The following CENPU variants were observed in gnomAD, a reference collection of about 807,000 sequenced individuals.
CENPU encodes centromere protein U.
Under a neutral mutation model 56.7 loss-of-function variants are expected in CENPU, and 46 were observed. The observed-to-expected ratio is 0.81, with a 90% confidence interval of 0.64 to 1.04. CENPU has a LOEUF of 1.04. Ranked by LOEUF, CENPU falls within the 50% of genes least tolerant of loss-of-function variation. The pLI, the probability that CENPU is intolerant of heterozygous loss-of-function variation, is 0.00. For missense variants in CENPU, 510 were observed against 490.1 expected, an observed-to-expected ratio of 1.04 and a Z score of -0.38; for synonymous variants, 166 against 163.0, an observed-to-expected ratio of 1.02 and a Z score of -0.14.
At chr4:184,704,102 A>AT (rs1554010505) in intron 8 of CENPU, among the ~76,000 whole-genome samples, 1 of 150,606 alleles carries the variant, frequency 6.6e-6, no homozygotes, top group South Asian at 2.1e-4. Flanking sequence ...TTTTTTTGAG[A>AT]TAAGGTCTCA....
rs1400557676 is a variant in CENPU, at chr4:184,727,104, A to G, written c.214+1814T>C. ...GCACTTCAGCCTAGGTGACAGAGGA[A>G]GACTTCGTCTCCAAAAAAAAAAAAA... On this transcript the variant is annotated intron_variant, in intron 3 of 12. Transcript: ENST00000281453. Among the ~76,000 whole-genome samples, 11 of 138,542 alleles carry G rather than the reference A, an allele frequency of 7.9e-5. No homozygotes were observed. The East Asian group carries it at 1.7e-3, about 22-fold the overall frequency. The allele number at this position is 138,542 out of a possible 152,430, so 90.9% of individuals were successfully genotyped here. A position where few individuals can be genotyped will look rare whatever the true frequency, so the allele number is the denominator to read the frequency against.
In CENPU at chr4:184,717,135, C is replaced by A; in HGVS notation, c.381+1G>T. The A allele has an allele frequency of 6.2e-7, 1 of 1,605,792 alleles. No homozygotes were observed. The highest frequency in any genetic ancestry group is 8.5e-7 in the Non-Finnish European group (1 of 1,174,372). Reference sequence around the variant, plus strand: ...GTAGAAGAGTGAATACTCCTACATACCTTTTTTGCACTAATTTTTACAGAT... The same window carrying A: ...GTAGAAGAGTGAATACTCCTACATAACTTTTTTGCACTAATTTTTACAGAT... On this transcript the variant is annotated splice_donor_variant, in intron 5 of 12. Coordinates refer to ENST00000281453, the MANE Select transcript of CENPU (RefSeq NM_024629.4). LOFTEE classifies it high-confidence loss of function.
Position 184,728,064 on chromosome 4 carries a change from G to A in CENPU, c.214+854C>T, listed in dbSNP as rs1027222572. Among the ~76,000 whole-genome samples the A allele has an allele frequency of 5.3e-5, 8 of 152,116 alleles. No homozygotes were observed. The East Asian group carries it at 5.8e-4, about 11-fold the overall frequency. ...TTTTCTGGAATTAGATAATGCAGAC[G>A]GTTGTACAACCTTGTGAATAAATTA... On this transcript the variant is annotated intron_variant, in intron 3 of 12. Transcript: ENST00000281453.
intron 11 of CENPU, among the ~76,000 whole-genome samples, chr4:184,699,773 G>A (rs1579756084): frequency 1.3e-5 from 2 of 152,038 alleles, no homozygotes; most frequent in Admixed American, 6.5e-5. Flanking sequence ...CGATTCTCGT[G>A]CCTCAACCTC....
intron 8 of CENPU, among the ~76,000 whole-genome samples, chr4:184,704,587 G>A (rs1215558884): frequency 2.0e-5 from 3 of 150,846 alleles, no homozygotes; most frequent in Non-Finnish European, 4.4e-5. Flanking sequence ...GTGTATACAT[G>A]ACTGAATATG....
At chr4:184,708,614 C>T (rs59754849) in intron 8 of CENPU, among the ~76,000 whole-genome samples, 1,947 of 152,066 alleles carry the variant, frequency 0.013, 46 homozygotes, top group African/African-American at 0.044. Flanking sequence ...ATCAAATTTT[C>T]CAAAAGCAAC....
Position 184,730,943 on chromosome 4 carries a change from C to G in CENPU, c.73G>C (p.Glu25Gln). ...EGARRSKNTL[E>Q]RTHSMKDKAG... ...ACATCTTTCATGGAATGTGTTCTTT[C>G]TAAAGTGTTCTTTGAACGTCTTGCG... Residue 25 changes from glutamate (E) to glutamine (Q), a missense_variant, in exon 2 of 13, where the codon GAA becomes CAA. Transcript: ENST00000281453. The G allele has an allele frequency of 2.5e-6, 4 of 1,581,182 alleles. No individual in the cohort carries two copies. The South Asian group carries it at 4.8e-5, about 19-fold the overall frequency.
intron 7 of CENPU, 105 bp from the exon 8 acceptor site, chr4:184,710,285 T>G: frequency 1.6e-6 from 1 of 636,674 alleles, no homozygotes; most frequent in Non-Finnish European, 2.7e-6. Flanking sequence ...TTGTAAAAGA[T>G]AGCTACAGCT....
At position 184,694,725 on chromosome 4, in the gene CENPU, CAGTGA is replaced by C. The variant is rs1561119691; in HGVS notation, c.*558_*562del. The C allele has an allele frequency of 3.1e-6, 5 of 1,612,474 alleles. No individual in the cohort carries two copies. Among genetic ancestry groups the C allele is most frequent in the Non-Finnish European group, 4.2e-6 (5 of 1,178,426 alleles). On this transcript the variant is annotated 3_prime_UTR_variant, in exon 13 of 13. Transcript: ENST00000281453. ...CAGAGAACAGTCTTCTCAGTTATAACAGTGAAGTGGATGAAATTCCTGATGAACTA... is the reference window on the plus strand; with the variant it reads ...CAGAGAACAGTCTTCTCAGTTATAACAGTGGATGAAATTCCTGATGAACTA...
chr4:184,729,099 C>T (rs1326229085), intron 2 of CENPU, 64 bp from the exon 3 acceptor site: 3 of 1,222,510 alleles, frequency 2.5e-6, no homozygotes, highest in Non-Finnish European at 3.6e-6. Flanking sequence ...TTGATTTATA[C>T]AGCAAGAATA....
Position 184,713,004 on chromosome 4 carries a change from T to C in CENPU, c.628A>G (p.Lys210Glu), listed in dbSNP as rs1282564463. Residue 210 changes from lysine to glutamate, a missense_variant, in exon 7 of 13, where the codon AAA becomes GAA. Lys to Glu is a moderately conservative substitution (Grantham distance 56, BLOSUM62 1). Transcript: ENST00000281453. ...LAIESQSKTQKKGKISHDKRK... is the reference protein window; with the variant it reads ...LAIESQSKTQEKGKISHDKRK... ...TTGTCATGAGATATCTTCCCTTTTT[T>C]CTGAGTTTTCTACAAAAAAAAAAAG... is the stretch of plus-strand genomic sequence containing the variant. 6.4e-7 allele frequency: 1 copy of C among 1,572,126 alleles called. No individual in the cohort carries two copies. The highest frequency in any genetic ancestry group is 8.6e-7 in the Non-Finnish European group (1 of 1,157,292).
At chr4:184,699,491 G>T in intron 11 of CENPU, 1 of 1,118,450 alleles carries the variant, frequency 8.9e-7, no homozygotes, top group Non-Finnish European at 1.2e-6. Context: ...AAAGTGCCCT[G>T]CCACACAGGA....
intron 3 of CENPU, among the ~76,000 whole-genome samples, chr4:184,726,773 T>C (rs1229960843): frequency 1.3e-5 from 2 of 151,998 alleles, no homozygotes; most frequent in Admixed American, 6.5e-5. Context: ...ATGTGGTACA[T>C]ACAGACTGTT....
chr4:184,710,292 A>G (rs1474471309), intron 7 of CENPU, 112 bp from the exon 8 acceptor site: 2 of 614,584 alleles, frequency 3.3e-6, no homozygotes, highest in East Asian at 5.9e-5. Context: ...AGATAGCTAC[A>G]GCTGAACAAT....
At chr4:184,729,464 A>G (rs1391866453) in intron 2 of CENPU, among the ~76,000 whole-genome samples, 1 of 152,272 alleles carries the variant, frequency 6.6e-6, no homozygotes, top group African/African-American at 2.4e-5. Flanking sequence ...AAGAATGAGC[A>G]TGGCTGTGTT....
intron 7 of CENPU, 91 bp downstream of exon 7, chr4:184,712,853 C>T (rs112482688): frequency 5.7e-6 from 5 of 879,976 alleles, no homozygotes; most frequent in African/African-American, 1.7e-5. Context: ...TATGTACTTA[C>T]AATTTACTAC....
At chr4:184,711,137 C>G (rs1043540700) in intron 7 of CENPU, among the ~76,000 whole-genome samples, 4 of 152,098 alleles carry the variant, frequency 2.6e-5, no homozygotes, top group Non-Finnish European at 5.9e-5. Flanking sequence ...ATTACGGGTG[C>G]ACCCACCATG....
At chr4:184,708,066 T>C (rs1184073546) in intron 8 of CENPU, among the ~76,000 whole-genome samples, 1 of 151,504 alleles carries the variant, frequency 6.6e-6, no homozygotes, top group Non-Finnish European at 1.5e-5. Context: ...CTACTAAAAA[T>C]ACAAAAAATT....
At chr4:184,715,062 T>TA (rs1475215829) in intron 6 of CENPU, among the ~76,000 whole-genome samples, 1 of 151,946 alleles carries the variant, frequency 6.6e-6, no homozygotes, top group East Asian at 1.9e-4. Flanking sequence ...GAAATAAAAA[T>TA]TAAAAAAATT....
Sources: allele counts gnomAD v4.1 joint callset (sites outside exome capture counted in the v4.1 genomes callset), GRCh38; gene constraint gnomAD v4.1.1; transcripts MANE v1.5; gene names NCBI Gene and HGNC (gene_info 2026-07-23, HGNC 2026-07-21).